POLR3B: variants seen among roughly 807,000 people sequenced by gnomAD.
The protein encoded by POLR3B is RNA polymerase III subunit B, also known as DNA-directed RNA polymerase III subunit RPC2.
A neutral mutation model predicts 147.4 loss-of-function variants in POLR3B; 96 were observed. That is an observed-to-expected ratio of 0.65 (90% CI 0.55 to 0.77). The LOEUF is 0.77. Among genes scored for constraint, POLR3B ranks in the 30% least tolerant of loss-of-function variants. POLR3B has a pLI of 0.00. For synonymous variants in POLR3B, 461 were observed against 485.9 expected (o/e 0.95, Z 0.67); for missense variants, 1,036 against 1,413.5 (o/e 0.73, Z 4.28).
At position 106,395,099 on chromosome 12, in the gene POLR3B, G is replaced by A. The variant is rs1000435590; in HGVS notation, c.846+1946G>A. On this transcript the variant is annotated intron_variant, in intron 10 of 27. Transcript: ENST00000228347. ...AAAAATAAATTAGCCAGGCGTGGTG[G>A]CAGGCACCAGTGGTCTCAGCTGCTT... Among the ~76,000 whole-genome samples, 6 of 152,152 alleles carry A rather than the reference G, an allele frequency of 3.9e-5. No individual in the cohort carries two copies. The East Asian group carries it at 7.7e-4, about 20-fold the overall frequency.
At chr12:106,393,739 G>T (rs1482889665) in intron 10 of POLR3B, among the ~76,000 whole-genome samples, 1 of 146,250 alleles carries the variant, frequency 6.8e-6, no homozygotes, top group African/African-American at 2.5e-5. Context: ...GAATTTTAGG[G>T]CAAGACTCAA....
chr12:106,477,854 C>A (rs983754648), intron 23 of POLR3B, among the ~76,000 whole-genome samples: 12 of 140,312 alleles, frequency 8.6e-5, no homozygotes, highest in Non-Finnish European at 1.8e-4. Context: ...GAGCTGTAGA[C>A]GGGAGCTGTT....
rs1296253636 is a variant in POLR3B, at chr12:106,432,315, T to C, written c.1465-3T>C. 1.2e-6 allele frequency: 2 copies of C among 1,613,292 alleles called. No homozygotes were observed. The highest frequency in any genetic ancestry group is 1.7e-6 in the Non-Finnish European group (2 of 1,179,260). ...TTAGAAATGACCATCTTTTGTTTTT[T>C]AGGCATGTGGTTTGGTTAAAAACTT... On this transcript the variant is annotated splice_region_variant and splice_polypyrimidine_tract_variant and intron_variant, in intron 14 of 27. Coordinates refer to ENST00000228347, the MANE Select transcript of POLR3B (RefSeq NM_018082.6).
intron 27 of POLR3B, among the ~76,000 whole-genome samples, chr12:106,508,018 A>G (rs1371663903): frequency 1.3e-5 from 2 of 152,196 alleles, no homozygotes; most frequent in Admixed American, 6.5e-5. Flanking sequence ...AATTTTACGT[A>G]TGATTTTGGG....
intron 12 of POLR3B, among the ~76,000 whole-genome samples, chr12:106,415,080 A>T (rs1168843983): frequency 6.6e-6 from 1 of 152,132 alleles, no homozygotes; most frequent in Non-Finnish European, 1.5e-5. Flanking sequence ...CTTCCTAAAT[A>T]TATCTCTAAT....
intron 20 of POLR3B, among the ~76,000 whole-genome samples, chr12:106,455,428 A>G (rs1364947987): frequency 1.3e-5 from 2 of 152,124 alleles, no homozygotes; most frequent in African/African-American, 4.8e-5. Flanking sequence ...TGTTGGCCAC[A>G]CTTAATTTAT....
At chr12:106,428,075 G>A (rs1283336997) in intron 13 of POLR3B, among the ~76,000 whole-genome samples, 1 of 152,164 alleles carries the variant, frequency 6.6e-6, no homozygotes, top group Non-Finnish European at 1.5e-5. Context: ...GAACTTTATA[G>A]TGTGTCTGTG....
chr12:106,377,756 T>A (rs1165718788), intron 7 of POLR3B, among the ~76,000 whole-genome samples: 1 of 152,218 alleles, frequency 6.6e-6, no homozygotes, highest in Non-Finnish European at 1.5e-5. Flanking sequence ...AAATTTTTTA[T>A]CTTGTAGCTC....
rs571156742 is a variant in POLR3B, at chr12:106,399,675, A to G, written c.847-6182A>G. ...AGAAGAGAGTGGGGGCCAATATTCA[A>G]CATTCTCAAAGAAAAGAATTTTCAA... On this transcript the variant is annotated intron_variant, in intron 10 of 27. Transcript: ENST00000228347. Among the ~76,000 whole-genome samples the G allele has an allele frequency of 2.9e-4, 44 of 152,354 alleles. No homozygotes were observed. In the South Asian group the frequency reaches 8.9e-3, roughly 31 times the overall value.
At chr12:106,423,917 CA>C (rs1242413098) in intron 12 of POLR3B, among the ~76,000 whole-genome samples, 2 of 151,552 alleles carry the variant, frequency 1.3e-5, no homozygotes, top group Admixed American at 6.6e-5. Flanking sequence ...AGTGCAGTGG[CA>C]CAATCTCGGC....
intron 23 of POLR3B, among the ~76,000 whole-genome samples, chr12:106,485,377 T>C (rs2038323064): frequency 6.6e-6 from 1 of 152,052 alleles, no homozygotes; most frequent in Non-Finnish European, 1.5e-5. Flanking sequence ...ACCATAAAAA[T>C]GAATATAAGC....
At chr12:106,501,587 A>C in intron 26 of POLR3B, 151 bp downstream of exon 26, 1 of 604,584 alleles carries the variant, frequency 1.7e-6, no homozygotes, top group Non-Finnish European at 2.9e-6. Flanking sequence ...TCATATATGT[A>C]TGATTAAAAT....
intron 23 of POLR3B, among the ~76,000 whole-genome samples, chr12:106,472,470 G>A (rs929184595): frequency 6.7e-6 from 1 of 148,162 alleles, no homozygotes; most frequent in Non-Finnish European, 1.5e-5. Context: ...CTAGTTTACA[G>A]TCCCACCAAC....
At chr12:106,435,631 C>T (rs1430227341) in intron 16 of POLR3B, among the ~76,000 whole-genome samples, 1 of 152,054 alleles carries the variant, frequency 6.6e-6, no homozygotes, top group Non-Finnish European at 1.5e-5. Context: ...GTTTCCTTGG[C>T]TGTAAAATGG....
At chr12:106,397,916 G>C (rs1222274743) in intron 10 of POLR3B, among the ~76,000 whole-genome samples, 1 of 152,258 alleles carries the variant, frequency 6.6e-6, no homozygotes. Flanking sequence ...CTACCAGCGT[G>C]AACGACGCAC....
chr12:106,463,403 GA>G (rs1328410690), intron 22 of POLR3B, 74 bp from the exon 23 acceptor site: 17 of 1,316,844 alleles, frequency 1.3e-5, no homozygotes, highest in Admixed American at 1.7e-5. Flanking sequence ...GGCATGAAAT[GA>G]AATATAACAT....
intron 18 of POLR3B, among the ~76,000 whole-genome samples, chr12:106,441,835 C>T (rs1277065480): frequency 6.6e-6 from 1 of 152,178 alleles, no homozygotes; most frequent in East Asian, 1.9e-4. Context: ...AATCCCAATA[C>T]TTTGGGAGGC....
At chr12:106,439,774 G>C (rs2037624787) in intron 18 of POLR3B, among the ~76,000 whole-genome samples, 1 of 151,912 alleles carries the variant, frequency 6.6e-6, no homozygotes, top group Non-Finnish European at 1.5e-5. Context: ...AATTGACTGA[G>C]GGCCAGGTGT....
chr12:106,366,851 C>G, intron 4 of POLR3B, 129 bp downstream of exon 4: 1 of 770,658 alleles, frequency 1.3e-6, no homozygotes, highest in South Asian at 1.5e-5. Flanking sequence ...GCCTGTAATA[C>G]CAAGCACTTT....
Sources: gnomAD v4.1 joint callset for allele counts (sites outside exome capture counted in the v4.1 genomes callset) on GRCh38, gnomAD v4.1.1 for gene constraint, MANE v1.5 for transcripts, NCBI Gene and HGNC (gene_info 2026-07-23, HGNC 2026-07-21) for gene names.